CCSER1: variants seen among roughly 807,000 people sequenced by gnomAD.
CCSER1 encodes coiled-coil serine rich protein 1.
CCSER1 carries 41 observed loss-of-function variants against 82.0 expected under a neutral mutation model. The ratio of observed to expected loss-of-function variants is 0.50; its 90% CI spans 0.39 to 0.65. CCSER1 has a LOEUF of 0.65. CCSER1 is among the 30% of genes least tolerant of loss of function. The pLI is 0.00. For synonymous variants in CCSER1, 414 were observed against 383.9 expected (o/e 1.08, Z -0.92); for missense variants, 1,119 against 1,064.2 (o/e 1.05, Z -0.72).
chr4:90,303,290 G>GA (rs1259465832), intron 1 of CCSER1, among the ~76,000 whole-genome samples: 2 of 152,050 alleles, frequency 1.3e-5, no homozygotes, highest in Admixed American at 6.6e-5. Context: ...TACAGAATTG[G>GA]AAAAAACTAC....
At chr4:91,175,522 G>A (rs1290342137) in intron 10 of CCSER1, among the ~76,000 whole-genome samples, 1 of 152,124 alleles carries the variant, frequency 6.6e-6, no homozygotes, top group African/African-American at 2.4e-5. Context: ...ATTCTAACTG[G>A]TGTGAGATGG....
At chr4:91,484,055 TAAAAAA>T (rs70965500) in intron 10 of CCSER1, among the ~76,000 whole-genome samples, 50 of 130,994 alleles carry the variant, frequency 3.8e-4, no homozygotes, top group Non-Finnish European at 8.0e-5. Flanking sequence ...GCCTATTCTC[TAAAAAA>T]AAAAAAAAAA....
At chr4:90,288,266 T>C (rs1730269886) in intron 1 of CCSER1, among the ~76,000 whole-genome samples, 1 of 151,934 alleles carries the variant, frequency 6.6e-6, no homozygotes, top group African/African-American at 2.4e-5. Context: ...TTCCCTTTAC[T>C]CACACTGCTA....
chr4:91,388,331 G>A (rs541159443), intron 10 of CCSER1, among the ~76,000 whole-genome samples: 50 of 151,976 alleles, frequency 3.3e-4, no homozygotes, highest in Middle Eastern at 6.8e-3. Flanking sequence ...CACCAAAATG[G>A]GATAATCAAA....
chr4:90,196,205 A>G (rs1196628412), intron 1 of CCSER1, among the ~76,000 whole-genome samples: 1 of 151,706 alleles, frequency 6.6e-6, no homozygotes, highest in African/African-American at 2.4e-5. Flanking sequence ...TTCTCTCCTA[A>G]TAAAGGGGGC....
chr4:91,407,908 G>C (rs1307432203), intron 10 of CCSER1, among the ~76,000 whole-genome samples: 1 of 152,184 alleles, frequency 6.6e-6, no homozygotes, highest in African/African-American at 2.4e-5. Context: ...CATCTCTTCT[G>C]TGGAGCTAGA....
chr4:90,394,388 T>C (rs1437650961), intron 3 of CCSER1, among the ~76,000 whole-genome samples: 1 of 152,202 alleles, frequency 6.6e-6, no homozygotes, highest in Non-Finnish European at 1.5e-5. Flanking sequence ...TAATGCCTCT[T>C]GATATCAAGT....
intron 8 of CCSER1, among the ~76,000 whole-genome samples, chr4:90,837,443 T>C (rs139939416): frequency 2.9e-3 from 438 of 152,336 alleles, no homozygotes; most frequent in Admixed American, 4.2e-3. Context: ...TGTCATTTCC[T>C]GTGCAGCCCT....
intron 5 of CCSER1, among the ~76,000 whole-genome samples, chr4:90,625,953 C>T (rs1018089832): frequency 2.0e-5 from 3 of 152,100 alleles, no homozygotes; most frequent in Admixed American, 6.5e-5. Flanking sequence ...GAACTTCACA[C>T]GAATATGATT....
At chr4:90,137,175 A>G (rs1723848461) in intron 1 of CCSER1, among the ~76,000 whole-genome samples, 1 of 152,200 alleles carries the variant, frequency 6.6e-6, no homozygotes, top group Admixed American at 6.5e-5. Context: ...CATAATGTAA[A>G]TCTTAAAAAT....
intron 7 of CCSER1, 61 bp from the exon 8 acceptor site, chr4:90,815,701 C>T: frequency 8.1e-7 from 1 of 1,230,756 alleles, no homozygotes; most frequent in South Asian, 1.6e-5. Context: ...GCTGACTTTC[C>T]TTATCAAGAG....
intron 10 of CCSER1, among the ~76,000 whole-genome samples, chr4:91,415,049 C>T (rs906914486): frequency 1.3e-5 from 2 of 152,074 alleles, no homozygotes; most frequent in African/African-American, 4.8e-5. Context: ...TATAAGGAAG[C>T]AGTGGACTTG....
intron 10 of CCSER1, among the ~76,000 whole-genome samples, chr4:91,360,714 CAG>C (rs1221167965): frequency 1.3e-5 from 2 of 151,642 alleles, no homozygotes; most frequent in African/African-American, 2.4e-5. Context: ...GGTGAAAAAA[CAG>C]AGAGAGAGAG....
intron 9 of CCSER1, among the ~76,000 whole-genome samples, chr4:90,971,726 CA>C (rs1233353093): frequency 6.6e-6 from 1 of 151,816 alleles, no homozygotes; most frequent in Non-Finnish European, 1.5e-5. Context: ...CAACCACAGG[CA>C]AATATCCCTG....
At chr4:90,771,812 C>A (rs1752226437) in intron 7 of CCSER1, among the ~76,000 whole-genome samples, 1 of 151,910 alleles carries the variant, frequency 6.6e-6, no homozygotes, top group Non-Finnish European at 1.5e-5. Flanking sequence ...TGTGGTGTAT[C>A]CTCTGGTTTC....
At chr4:90,294,903 T>C (rs1409122330) in intron 1 of CCSER1, among the ~76,000 whole-genome samples, 1 of 151,982 alleles carries the variant, frequency 6.6e-6, no homozygotes, top group African/African-American at 2.4e-5. Flanking sequence ...GAGTATTTAA[T>C]ATTATACATA....
intron 10 of CCSER1, among the ~76,000 whole-genome samples, chr4:91,253,684 A>T (rs762372740): frequency 1.3e-5 from 2 of 152,202 alleles, no homozygotes; most frequent in Non-Finnish European, 2.9e-5. Context: ...GCACATAGTA[A>T]CTGTATTAGT....
chr4:91,477,349 G>A (rs1757651357), intron 10 of CCSER1, among the ~76,000 whole-genome samples: 1 of 151,640 alleles, frequency 6.6e-6, no homozygotes, highest in Non-Finnish European at 1.5e-5. Context: ...TAAAGTTTTG[G>A]TGGCAAGAGC....
intron 7 of CCSER1, among the ~76,000 whole-genome samples, chr4:90,795,741 T>C (rs1755914673): frequency 6.6e-6 from 1 of 152,204 alleles, no homozygotes; most frequent in African/African-American, 2.4e-5. Flanking sequence ...TTTCTGCATC[T>C]ATTGAAATAA....
Sources: allele counts gnomAD v4.1 joint callset (sites outside exome capture counted in the v4.1 genomes callset), GRCh38; gene constraint gnomAD v4.1.1; transcripts MANE v1.5; gene names NCBI Gene and HGNC (gene_info 2026-07-23, HGNC 2026-07-21).